SSC5D: variants seen among roughly 807,000 people sequenced by gnomAD.
SSC5D encodes the protein scavenger receptor cysteine rich family member with 5 domains.
Under a neutral mutation model 104.6 loss-of-function variants are expected in SSC5D, and 106 were observed. The ratio of observed to expected loss-of-function variants is 1.01; its 90% CI spans 0.87 to 1.19. The LOEUF is 1.19. Ranked by LOEUF, SSC5D falls within the 50% of genes most tolerant of loss-of-function variation. The pLI is 0.00. For synonymous variants in SSC5D, 860 were observed against 883.5 expected, an observed-to-expected ratio of 0.97 and a Z score of 0.47; for missense variants, 1,993 against 2,153.8, an observed-to-expected ratio of 0.93 and a Z score of 1.48.
chr19:55,490,330 T>A lies in SSC5D; in HGVS notation c.508T>A (p.Ser170Thr). Reference sequence around the variant, plus strand: ...CCCAGCTGGGAACCCCCAGAACGCCTCCCGGAAGAAGAGCCCCCGGCCCAA... The same window carrying A: ...CCCAGCTGGGAACCCCCAGAACGCCACCCGGAAGAAGAGCCCCCGGCCCAA... ...PRPAGNPQNASRKKSPRPKQA... is the reference protein window; with the variant it reads ...PRPAGNPQNATRKKSPRPKQA... The change falls in exon 5 of 14, where the codon TCC (serine) becomes ACC (threonine). Residue 170 changes from serine to threonine, a missense_variant. Physicochemically the swap from Ser to Thr is moderately conservative, Grantham distance 58. Coordinates refer to ENST00000389623, the MANE Select transcript of SSC5D (RefSeq NM_001144950.2). 6.8e-7 allele frequency: 1 copy of A among 1,477,604 alleles called. No homozygotes were observed. Among genetic ancestry groups the A allele is most frequent in the Non-Finnish European group, 9.2e-7 (1 of 1,088,066 alleles). 91.5% of individuals were successfully genotyped at this position (1,477,604 alleles called of 1,614,324 possible).
At chr19:55,507,205 G>A (rs189510397) in intron 12 of SSC5D, among the ~76,000 whole-genome samples, 23 of 151,216 alleles carry the variant, frequency 1.5e-4, no homozygotes, top group Admixed American at 1.5e-3. Context: ...AATTCACCAA[G>A]CAGGGGCGTG....
chr19:55,493,659 G>A lies in SSC5D; in HGVS notation c.960G>A (p.Trp320Ter), dbSNP rs1987215712. ...GGTGCGCCGGCCGCCTGGAGGTCTG[G>A]CACGGGGGTCGCTGGGGGTCGGTGT... ...PHGCAGRLEV[W>*]HGGRWGSVCD... Residue 320 changes from tryptophan to a stop codon, truncating the protein, a stop_gained, in exon 7 of 14, where the codon TGG (tryptophan) becomes TGA (stop). Transcript: ENST00000389623. LOFTEE classifies it high-confidence loss of function. The A allele has an allele frequency of 6.6e-7, 1 of 1,506,084 alleles. No individual in the cohort carries two copies. The highest frequency in any genetic ancestry group is 8.8e-7 in the Non-Finnish European group (1 of 1,134,726). 93.3% of individuals were successfully genotyped at this position (1,506,084 alleles called of 1,614,324 possible). A position where few individuals can be genotyped will look rare whatever the true frequency, so the allele number is the denominator to read the frequency against.
intron 13 of SSC5D, among the ~76,000 whole-genome samples, chr19:55,515,440 A>G (rs1449364150): frequency 1.3e-5 from 2 of 150,490 alleles, no homozygotes; most frequent in Non-Finnish European, 2.9e-5. Context: ...AACACTTTGA[A>G]AATGAAACAT....
rs182325032 is a variant in SSC5D at position 55,491,315 on chromosome 19, C to A, written c.895+235C>A. ...GGCTTGGGCTAGTGCTCAGCCCTGT[C>A]CCGGGGCCTAGGCCAGTGACCGTTT... On this transcript the variant is annotated intron_variant, in intron 6 of 13. Transcript: ENST00000389623. The A allele has an allele frequency of 5.3e-5, 29 of 547,386 alleles. No individual in the cohort carries two copies. The East Asian group carries it at 9.4e-4, about 18-fold the overall frequency. The allele number at this position is 547,386 out of a possible 1,614,324, so 33.9% of individuals were successfully genotyped here.
chr19:55,510,018 G>A (rs547059937), intron 12 of SSC5D, among the ~76,000 whole-genome samples: 30 of 150,744 alleles, frequency 2.0e-4, no homozygotes, highest in Non-Finnish European at 3.8e-4. Flanking sequence ...GTTTTTTTGT[G>A]ACAGGGTCTT....
In SSC5D at chr19:55,498,125, T is replaced by C. The variant is rs892310196; in HGVS notation, c.1633T>C (p.Ser545Pro). The C allele has an allele frequency of 1.9e-6, 3 of 1,551,580 alleles. No individual in the cohort carries two copies. Among genetic ancestry groups the C allele is most frequent in the Non-Finnish European group, 2.6e-6 (3 of 1,146,980 alleles). ...CTGTGTGGGGACCGAGGCTTCACTG[T>C]CCGACTGCCCTGCTGCTCCCTGGGG... ...VGCVGTEASLSDCPAAPWGKH... is the reference protein window; with the variant it reads ...VGCVGTEASLPDCPAAPWGKH... The change falls in exon 9 of 14, where the codon TCC becomes CCC. Residue 545 changes from serine (S) to proline (P), a missense_variant. Physicochemically the swap from Ser to Pro is moderately conservative, Grantham distance 74. This residue lies in a region of SSC5D where 1,101 missense variants were observed against 1,085.0 expected (regional missense o/e 1.01). Coordinates refer to ENST00000389623, the MANE Select transcript of SSC5D (RefSeq NM_001144950.2).
At chr19:55,494,840 C>T (rs532279159) in intron 8 of SSC5D, 57 bp downstream of exon 8, 3 of 1,480,198 alleles carry the variant, frequency 2.0e-6, no homozygotes, top group East Asian at 2.5e-5. Flanking sequence ...TTCCTTCCCT[C>T]AGCTCTGAGA....
intron 12 of SSC5D, among the ~76,000 whole-genome samples, chr19:55,512,644 G>A (rs1007170340): frequency 1.3e-5 from 2 of 152,070 alleles, no homozygotes; most frequent in African/African-American, 4.8e-5. Context: ...ACCATACCCA[G>A]CTAATTTTTT....
Position 55,519,062 on chromosome 19 carries a change from C to A in SSC5D, c.*64C>A, listed in dbSNP as rs1329200792. On this transcript the variant is annotated 3_prime_UTR_variant, in exon 14 of 14. Transcript: ENST00000389623. ...CAAAAAAAACAAAAACAAAAAAAAC[C>A]CCCAAAGTATCTAATTAAAAACAAG... 63 of 1,416,762 alleles carry A rather than the reference C, an allele frequency of 4.4e-5. 1 individual carries two copies. The Admixed American group carries it at 6.9e-4, about 16-fold the overall frequency. 87.8% of individuals were successfully genotyped at this position (1,416,762 alleles called of 1,614,324 possible).
chr19:55,505,867 G>A (rs1162529995), intron 12 of SSC5D, among the ~76,000 whole-genome samples: 1 of 151,748 alleles, frequency 6.6e-6, no homozygotes, highest in Non-Finnish European at 1.5e-5. Flanking sequence ...CTCCTGAGTA[G>A]CTGGGATTAC....
chr19:55,516,771 T>C (rs982062964), intron 13 of SSC5D, among the ~76,000 whole-genome samples: 7 of 152,190 alleles, frequency 4.6e-5, no homozygotes, highest in African/African-American at 1.7e-4. Context: ...TAAAAGTATT[T>C]ATTTTGATTA....
rs1305219019 is a variant in SSC5D, at chr19:55,517,511, G to C, written c.3235G>C (p.Val1079Leu). ...TTTGTCCACCCCTGACTCCAGTGTG[G>C]TTCCCGCGTTGACCCCGGAGCCCTC... ...FALSTPDSSV[V>L]PALTPEPSPT... Residue 1079 changes from valine (V) to leucine (L), a missense_variant, in exon 14 of 14, where the codon GTT becomes CTT. Physicochemically the swap from Val to Leu is conservative, Grantham distance 32 (BLOSUM62 1). This residue lies in a region of SSC5D where 423 missense variants were observed against 409.2 expected (regional missense o/e 1.03). Transcript: ENST00000389623. The C allele has an allele frequency of 6.4e-7, 1 of 1,551,270 alleles. No individual in the cohort carries two copies.
chr19:55,494,309 C>A (rs1242990339), intron 7 of SSC5D, among the ~76,000 whole-genome samples: 1 of 152,120 alleles, frequency 6.6e-6, no homozygotes, highest in Non-Finnish European at 1.5e-5. Context: ...CCTGGCTGGC[C>A]CTGCCTCCTG....
In SSC5D at chr19:55,518,934, G is replaced by T. The variant is rs1987961610; in HGVS notation, c.4658G>T (p.Ser1553Ile). 6.5e-7 allele frequency: 1 copy of T among 1,550,292 alleles called. No individual in the cohort carries two copies. Among genetic ancestry groups the T allele is most frequent in the South Asian group, 1.2e-5 (1 of 84,074 alleles). ...CTGGCAGAGATGGCCTGGACCACCA[G>T]CATGCCTGCACCAACCACCACTACC... ...KRLAEMAWTT[S>I]MPAPTTTTPE... is the part of the protein sequence containing the mutation. The change falls in exon 14 of 14, where the codon AGC becomes ATC. Residue 1553 changes from serine (S) to isoleucine (I), a missense_variant. By Grantham distance (142) the Ser-to-Ile change is moderately radical. Around this residue, in one of 6 missense-constraint regions of SSC5D, gnomAD observed 349 missense variants for 397.6 expected, o/e 0.88. Coordinates refer to ENST00000389623, the MANE Select transcript of SSC5D (RefSeq NM_001144950.2).
intron 13 of SSC5D, among the ~76,000 whole-genome samples, chr19:55,513,931 G>C (rs1167629791): frequency 6.6e-6 from 1 of 152,236 alleles, no homozygotes; most frequent in Non-Finnish European, 1.5e-5. Context: ...CCAAATGGCT[G>C]AGTGTATTTA....
At chr19:55,514,976 C>T (rs1361250931) in intron 13 of SSC5D, among the ~76,000 whole-genome samples, 1 of 152,190 alleles carries the variant, frequency 6.6e-6, no homozygotes, top group African/African-American at 2.4e-5. Flanking sequence ...GCCTTGAGCA[C>T]AAGCCCTTTA....
Position 55,489,485 on chromosome 19 carries a change from G to C in SSC5D, c.184G>C (p.Gly62Arg). ...RDAAVACRQL[G>R]CGGALAAPGG... ...TGCCGCCGTGGCCTGCCGGCAGCTG[G>C]GCTGCGGAGGGGCACTGGCCGCCCC... Residue 62 changes from glycine (G) to arginine (R), a missense_variant, in exon 3 of 14, where the codon GGC (glycine) becomes CGC (arginine). Coordinates refer to ENST00000389623, the MANE Select transcript of SSC5D (RefSeq NM_001144950.2). The C allele has an allele frequency of 3.4e-6, 5 of 1,472,768 alleles. No homozygotes were observed. The highest frequency in any genetic ancestry group is 4.5e-6 in the Non-Finnish European group (5 of 1,119,244). 91.2% of individuals were successfully genotyped at this position (1,472,768 alleles called of 1,614,324 possible). A position where few individuals can be genotyped will look rare whatever the true frequency, so the allele number is the denominator to read the frequency against.
chr19:55,488,598 C>G lies in SSC5D; in HGVS notation c.9C>G (p.Val3=). The part of the protein sequence containing the change: MR[V]LACLLAALVG... ...CTGCCCTGGCTGCAACCATGAGGGT[C>G]TTGGCCTGCCTCCTTGGTGAGTGAT... Residue 3 remains valine (V), a synonymous_variant, in exon 1 of 14, where the codon GTC becomes GTG. Transcript: ENST00000389623. The G allele has an allele frequency of 6.5e-7, 1 of 1,550,326 alleles. No homozygotes were observed. The highest frequency in any genetic ancestry group is 2.4e-5 in the East Asian group (1 of 40,840).
chr19:55,511,176 A>G (rs1162915759), intron 12 of SSC5D, among the ~76,000 whole-genome samples: 1 of 152,216 alleles, frequency 6.6e-6, no homozygotes, highest in African/African-American at 2.4e-5. Context: ...ATGGAAAGGT[A>G]TTTGATTAAG....
Sources: allele counts gnomAD v4.1 joint callset (sites outside exome capture counted in the v4.1 genomes callset), GRCh38; gene constraint gnomAD v4.1.1; regional missense constraint gnomAD v4.1.1; transcripts MANE v1.5; gene names NCBI Gene and HGNC (gene_info 2026-07-23, HGNC 2026-07-21).